COL14A1: variants seen among roughly 807,000 people sequenced by gnomAD.
COL14A1 encodes the protein collagen type XIV alpha 1 chain, also known as collagen alpha-1(XIV) chain.
Under a neutral mutation model 230.3 loss-of-function variants are expected in COL14A1, and 136 were observed. That is an observed-to-expected ratio of 0.59 (90% CI 0.51 to 0.68). The LOEUF is 0.68. COL14A1 is among the 30% of genes least tolerant of loss of function. The pLI, the probability that COL14A1 is intolerant of heterozygous loss-of-function variation, is 0.00. For synonymous variants in COL14A1, 792 were observed against 784.1 expected (o/e 1.01, Z -0.17); for missense variants, 1,976 against 2,215.8 (o/e 0.89, Z 2.17).
intron 40 of COL14A1, among the ~76,000 whole-genome samples, chr8:120,329,277 CCTT>C (rs1821789555): frequency 6.6e-6 from 1 of 151,952 alleles, no homozygotes; most frequent in Admixed American, 6.6e-5. Context: ...TGCTGTTTGC[CCTT>C]CTTCTTGGAC....
rs1054314608 is a variant in COL14A1 at position 120,128,499 on chromosome 8, G to T, written c.-38+3159G>T. On this transcript the variant is annotated intron_variant, in intron 1 of 47. Coordinates refer to ENST00000297848, the MANE Select transcript of COL14A1 (RefSeq NM_021110.4). ...ACAGTGGCTCATGCCTGTAATCCCA[G>T]CATTTTGGGAGGATCACCTGAGGTC... is the stretch of plus-strand genomic sequence containing the variant. Among the ~76,000 whole-genome samples the T allele has an allele frequency of 1.2e-4, 18 of 152,126 alleles. No individual in the cohort carries two copies. In the East Asian group the frequency reaches 3.5e-3, roughly 29 times the overall value.
intron 45 of COL14A1, among the ~76,000 whole-genome samples, chr8:120,364,362 T>G (rs762712752): frequency 6.6e-6 from 1 of 152,222 alleles, no homozygotes; most frequent in Admixed American, 6.5e-5. Flanking sequence ...TATCCAGATC[T>G]ATTTTTAGAG....
intron 18 of COL14A1, among the ~76,000 whole-genome samples, chr8:120,229,627 A>G (rs1818206473): frequency 1.3e-5 from 2 of 152,204 alleles, no homozygotes; most frequent in Non-Finnish European, 2.9e-5. Context: ...GTATATACCC[A>G]GTAATGGGAT....
At chr8:120,252,751 T>A (rs1392408186) in intron 22 of COL14A1, among the ~76,000 whole-genome samples, 1 of 152,216 alleles carries the variant, frequency 6.6e-6, no homozygotes, top group Non-Finnish European at 1.5e-5. Context: ...GATGGGGCTT[T>A]ATGCACTTGC....
At chr8:120,199,006 AG>A (rs1164663151) in intron 7 of COL14A1, among the ~76,000 whole-genome samples, 3 of 152,160 alleles carry the variant, frequency 2.0e-5, no homozygotes, top group Non-Finnish European at 2.9e-5. Flanking sequence ...AAACAAAGAG[AG>A]GGATTTTTTG....
In COL14A1 at chr8:120,292,156, C is replaced by T. The variant is rs1044406024; in HGVS notation, c.4236+2390C>T. Among the ~76,000 whole-genome samples, 46 of 152,002 alleles carry T rather than the reference C, an allele frequency of 3.0e-4. 2 individuals carry two copies. Among genetic ancestry groups the T allele is most frequent in the East Asian group, 1.7e-3 (9 of 5,180 alleles). On this transcript the variant is annotated intron_variant, in intron 34 of 47. Transcript: ENST00000297848. Reference sequence around the variant, plus strand: ...TGATAGTTTTACAATTGTATTTTAACGTATACTGTATGTAATAATTATGCT... The same window carrying T: ...TGATAGTTTTACAATTGTATTTTAATGTATACTGTATGTAATAATTATGCT...
intron 14 of COL14A1, among the ~76,000 whole-genome samples, chr8:120,221,859 A>G (rs755241714): frequency 3.3e-5 from 5 of 152,196 alleles, no homozygotes; most frequent in Non-Finnish European, 7.3e-5. Context: ...GAGAGACTCT[A>G]AATAAGACAA....
intron 19 of COL14A1, among the ~76,000 whole-genome samples, chr8:120,242,954 G>A (rs1818648972): frequency 2.0e-5 from 3 of 152,200 alleles, no homozygotes; most frequent in East Asian, 3.9e-4. Context: ...CACTTGAATC[G>A]AAAAGTAACT....
chr8:120,234,837 T>G (rs1015622171), intron 19 of COL14A1, among the ~76,000 whole-genome samples: 4 of 152,196 alleles, frequency 2.6e-5, no homozygotes, highest in Non-Finnish European at 5.9e-5. Context: ...TAAAAAGACT[T>G]AAGGAGGAGT....
chr8:120,329,451 A>G (rs1453897235), intron 40 of COL14A1, among the ~76,000 whole-genome samples: 1 of 152,106 alleles, frequency 6.6e-6, no homozygotes, highest in Admixed American at 6.6e-5. Flanking sequence ...TACAAAACAT[A>G]CAAAAATTAG....
chr8:120,154,293 C>A (rs111460224), intron 2 of COL14A1, among the ~76,000 whole-genome samples: 1 of 152,112 alleles, frequency 6.6e-6, no homozygotes, highest in South Asian at 2.1e-4. Flanking sequence ...AACAGAATTT[C>A]GTAAATGCTT....
chr8:120,334,221 A>G (rs779977200), intron 42 of COL14A1, among the ~76,000 whole-genome samples: 52 of 152,164 alleles, frequency 3.4e-4, no homozygotes, highest in Non-Finnish European at 4.0e-4. Flanking sequence ...TTTCTGGGCC[A>G]TGATTCATGT....
chr8:120,156,753 C>T (rs1384411336), intron 2 of COL14A1, among the ~76,000 whole-genome samples: 1 of 152,106 alleles, frequency 6.6e-6, no homozygotes, highest in Non-Finnish European at 1.5e-5. Context: ...GTCATCTCTC[C>T]TTTGCAAAAA....
chr8:120,163,600 C>T (rs1054050140), intron 4 of COL14A1, among the ~76,000 whole-genome samples: 4 of 152,018 alleles, frequency 2.6e-5, no homozygotes, highest in Non-Finnish European at 4.4e-5. Context: ...CCTGTCTCTA[C>T]TAAAAATACA....
At chr8:120,256,311 C>T (rs897194440) in intron 23 of COL14A1, among the ~76,000 whole-genome samples, 18 of 152,114 alleles carry the variant, frequency 1.2e-4, no homozygotes, top group Middle Eastern at 3.2e-3. Flanking sequence ...AGCCCATATT[C>T]CTGACTATAG....
chr8:120,370,745 G>T (rs1244709474), intron 47 of COL14A1: 1 of 1,386,354 alleles, frequency 7.2e-7, no homozygotes, highest in Admixed American at 2.2e-5. Flanking sequence ...AGGATGGATG[G>T]GCATCTTTCT....
chr8:120,229,723 C>T (rs1329725631), intron 18 of COL14A1, among the ~76,000 whole-genome samples: 1 of 152,170 alleles, frequency 6.6e-6, no homozygotes, highest in East Asian at 1.9e-4. Context: ...TTTACAGTCC[C>T]ACCAACAGTG....
chr8:120,211,089 A>G (rs537843155), intron 12 of COL14A1, among the ~76,000 whole-genome samples: 1 of 152,300 alleles, frequency 6.6e-6, no homozygotes, highest in African/African-American at 2.4e-5. Context: ...GCTGGCGGGC[A>G]TATAGATTGG....
intron 9 of COL14A1, among the ~76,000 whole-genome samples, chr8:120,206,529 A>G (rs1817437915): frequency 6.6e-6 from 1 of 152,136 alleles, no homozygotes; most frequent in Non-Finnish European, 1.5e-5. Context: ...TTGTATTTGT[A>G]GTAGAGACGG....
Sources: allele counts gnomAD v4.1 joint callset (sites outside exome capture counted in the v4.1 genomes callset), GRCh38; gene constraint gnomAD v4.1.1; transcripts MANE v1.5; gene names NCBI Gene and HGNC (gene_info 2026-07-23, HGNC 2026-07-21).